The following CCDC7 variants were observed in gnomAD, a reference collection of about 807,000 sequenced individuals.
The protein encoded by CCDC7 is coiled-coil domain-containing protein 7.
In CCDC7, 183 loss-of-function variants were observed where a neutral mutation model predicts 196.9. The observed-to-expected ratio is 0.93, with a 90% CI of 0.82 to 1.05. CCDC7 has a LOEUF of 1.05. CCDC7 is among the 50% of genes least tolerant of loss of function. CCDC7 has a pLI of 0.00. For synonymous variants in CCDC7, 525 were observed against 484.6 expected (o/e 1.08, Z -1.10); for missense variants, 1,540 against 1,482.2 (o/e 1.04, Z -0.64).
At chr10:32,523,316 CA>C (rs2048149907) in intron 11 of CCDC7, among the ~76,000 whole-genome samples, 2 of 152,174 alleles carry the variant, frequency 1.3e-5, no homozygotes, top group East Asian at 1.9e-4. Flanking sequence ...GAGGTTGAAG[CA>C]GGCAGATTGC....
chr10:32,696,068 G>T (rs963399575), intron 24 of CCDC7, among the ~76,000 whole-genome samples: 1 of 152,014 alleles, frequency 6.6e-6, no homozygotes, highest in African/African-American at 2.4e-5. Flanking sequence ...CTGGTAGTCT[G>T]GTGGGTTTAG....
intron 28 of CCDC7, among the ~76,000 whole-genome samples, chr10:32,756,910 G>A (rs898050468): frequency 3.6e-4 from 55 of 152,118 alleles, no homozygotes; most frequent in Non-Finnish European, 5.4e-4. Context: ...AGGAAGATCT[G>A]CCAAGCAAAT....
intron 18 of CCDC7, among the ~76,000 whole-genome samples, chr10:32,627,490 A>G (rs1459257547): frequency 6.6e-6 from 1 of 151,850 alleles, no homozygotes; most frequent in Non-Finnish European, 1.5e-5. Context: ...GTCTATTTGT[A>G]TGCCTTTTAT....
chr10:32,650,525 C>T (rs909108334), intron 20 of CCDC7, among the ~76,000 whole-genome samples: 1 of 152,134 alleles, frequency 6.6e-6, no homozygotes, highest in Non-Finnish European at 1.5e-5. Context: ...TCTTTTGGGC[C>T]ACAGGGCTCC....
chr10:32,522,788 G>C (rs1024047129), intron 11 of CCDC7, among the ~76,000 whole-genome samples: 2 of 151,956 alleles, frequency 1.3e-5, no homozygotes, highest in African/African-American at 2.4e-5. Context: ...TTTTGATGCA[G>C]GCACTTGTAG....
At position 32,701,595 on chromosome 10, in the gene CCDC7, C is replaced by T. The variant is rs564148048; in HGVS notation, c.2458+6603C>T. On this transcript the variant is annotated intron_variant, in intron 24 of 41. Coordinates refer to ENST00000639629, the Ensembl canonical transcript of CCDC7. ...TGGAATAGTTTGAGAAGGAATGGTA[C>T]CAGCTCCTCTTTGTACCTCTGGTAG... 3.9e-5 allele frequency among the ~76,000 whole-genome samples: 6 copies of T among 152,260 alleles called. No homozygotes were observed. The South Asian group carries it at 1.2e-3, about 32-fold the overall frequency.
At chr10:32,640,872 T>TTC (rs1554940364) in intron 20 of CCDC7, among the ~76,000 whole-genome samples, 1 of 52,478 alleles carries the variant, frequency 1.9e-5, no homozygotes, top group East Asian at 3.4e-4. Context: ...TTCTTTTTTT[T>TTC]TTTCTTTTTT....
At chr10:32,673,250 C>A (rs2074358365) in intron 21 of CCDC7, among the ~76,000 whole-genome samples, 2 of 151,730 alleles carry the variant, frequency 1.3e-5, no homozygotes, top group South Asian at 2.1e-4. Context: ...TTTTTTCTTG[C>A]TCCAGATTGC....
In CCDC7 at chr10:32,845,237, A is replaced by G. The variant is rs572677707; in HGVS notation, c.3353-6A>G. ...AAATATATTGATATCTGTTTTATTT[A>G]TATAGAGACTGATAAGGAACACTTA... On this transcript the variant is annotated splice_region_variant and splice_polypyrimidine_tract_variant and intron_variant, in intron 33 of 41. Transcript: ENST00000639629. 2.0e-6 allele frequency: 3 copies of G among 1,517,180 alleles called. No individual in the cohort carries two copies. The highest frequency in any genetic ancestry group is 2.8e-5 in the African/African-American group (2 of 72,460). 94.0% of individuals were successfully genotyped at this position (1,517,180 alleles called of 1,614,324 possible).
At chr10:32,641,502 T>G (rs937313543) in intron 20 of CCDC7, among the ~76,000 whole-genome samples, 17 of 152,350 alleles carry the variant, frequency 1.1e-4, no homozygotes, top group African/African-American at 4.1e-4. Flanking sequence ...TTCAGCTCCA[T>G]CAGGTCCTTT....
At chr10:32,809,884 A>G (rs2086695916) in intron 30 of CCDC7, among the ~76,000 whole-genome samples, 1 of 152,214 alleles carries the variant, frequency 6.6e-6, no homozygotes, top group South Asian at 2.1e-4. Context: ...CTTGGTATAT[A>G]CCCAAAGGAT....
At chr10:32,755,145 C>G (rs1446031647) in intron 28 of CCDC7, among the ~76,000 whole-genome samples, 3 of 152,210 alleles carry the variant, frequency 2.0e-5, no homozygotes, top group Non-Finnish European at 4.4e-5. Context: ...GAGCCCACCA[C>G]AGCTCAAGGA....
chr10:32,697,308 T>G (rs2077873659), intron 24 of CCDC7, among the ~76,000 whole-genome samples: 1 of 152,014 alleles, frequency 6.6e-6, no homozygotes. Context: ...AGGTACCGAG[T>G]TCATCTCACT....
intron 21 of CCDC7, among the ~76,000 whole-genome samples, chr10:32,673,883 T>C (rs143714156): frequency 1.5e-3 from 231 of 152,192 alleles, no homozygotes; most frequent in African/African-American, 5.3e-3. Context: ...TTCTTTGTTG[T>C]CCAGTTTGTT....
intron 18 of CCDC7, among the ~76,000 whole-genome samples, chr10:32,612,213 C>A (rs1391893875): frequency 2.0e-5 from 3 of 152,040 alleles, no homozygotes; most frequent in East Asian, 1.9e-4. Context: ...TGATTTGGCT[C>A]TCTGTTTGTC....
rs932225069 is a variant in CCDC7 at position 32,731,191 on chromosome 10, T to C, written c.2905+1734T>C. Among the ~76,000 whole-genome samples the C allele has an allele frequency of 7.2e-5, 11 of 152,254 alleles. No homozygotes were observed. The South Asian group carries it at 8.3e-4, about 11-fold the overall frequency. On this transcript the variant is annotated intron_variant, in intron 28 of 41. Coordinates refer to ENST00000639629, the Ensembl canonical transcript of CCDC7. The stretch of plus-strand genomic sequence containing the variant: ...TTTTATTTTTATGAAAGGGATCATC[T>C]CAGTCTCTAGTAAGGTCTTTTGACT...
intron 41 of CCDC7, among the ~76,000 whole-genome samples, chr10:32,865,991 C>T (rs1279234789): frequency 2.0e-5 from 3 of 151,790 alleles, no homozygotes; most frequent in Non-Finnish European, 4.4e-5. Context: ...CACACACATC[C>T]TTTAGCTGTT....
At chr10:32,460,613 C>T (rs1295339731) in intron 3 of CCDC7, among the ~76,000 whole-genome samples, 1 of 73,042 alleles carries the variant, frequency 1.4e-5, no homozygotes, top group African/African-American at 3.9e-5. Flanking sequence ...GTATAATGTG[C>T]TTTAGTGGAC....
intron 16 of CCDC7, among the ~76,000 whole-genome samples, chr10:32,577,792 A>G (rs1015611481): frequency 1.3e-5 from 2 of 152,130 alleles, no homozygotes; most frequent in African/African-American, 4.8e-5. Flanking sequence ...CCCCCTTTTA[A>G]TAGAATTTTC....
Sources: allele counts gnomAD v4.1 joint callset (sites outside exome capture counted in the v4.1 genomes callset), GRCh38; gene constraint gnomAD v4.1.1; transcripts MANE v1.5; gene names NCBI Gene and HGNC (gene_info 2026-07-23, HGNC 2026-07-21).